DHRSX: variants seen among roughly 807,000 people sequenced by gnomAD.
The protein encoded by DHRSX is dehydrogenase/reductase X-linked.
In DHRSX, 31 loss-of-function variants were observed where a neutral mutation model predicts 34.0. The observed-to-expected ratio is 0.91, with a 90% CI of 0.69 to 1.23. The LOEUF (loss-of-function observed/expected upper bound fraction) is 1.23. Ranked by LOEUF, DHRSX falls within the 50% of genes most tolerant of loss-of-function variation. The pLI is 0.00. For missense variants in DHRSX, 414 were observed against 428.1 expected (o/e 0.97, Z 0.29); for synonymous variants, 201 against 183.8 (o/e 1.09, Z -0.76).
intron 3 of DHRSX, among the ~76,000 whole-genome samples, chrX:2,322,892 C>A (rs1569488630): frequency 6.6e-6 from 1 of 152,068 alleles, no homozygotes; most frequent in Non-Finnish European, 1.5e-5. Context: ...CTAACTCCCA[C>A]ATTGTTCAAG....
In DHRSX at chrX:2,355,682, TAAG is replaced by T. The variant is rs1250331771; in HGVS notation, c.286+53060_286+53062del. 4.0e-5 allele frequency among the ~76,000 whole-genome samples: 6 copies of T among 151,846 alleles called. No individual in the cohort carries two copies. In the South Asian group the frequency reaches 6.2e-4, roughly 16 times the overall value. Reference sequence around the variant, plus strand: ...CAAAAGGGTTAATGCGGTAACATAATAAGAAGGGTGCCGGAAACGAGTAGGAGA... The same window carrying T: ...CAAAAGGGTTAATGCGGTAACATAATAAGGGTGCCGGAAACGAGTAGGAGA... On this transcript the variant is annotated intron_variant, in intron 3 of 6. Coordinates refer to ENST00000334651, the MANE Select transcript of DHRSX (RefSeq NM_145177.3).
At chrX:2,384,263 CAG>C (rs1384395199) in intron 3 of DHRSX, among the ~76,000 whole-genome samples, 4 of 152,112 alleles carry the variant, frequency 2.6e-5, no homozygotes, top group African/African-American at 9.7e-5. Flanking sequence ...CTGACTTACA[CAG>C]AGAGAAGGAA....
chrX:2,346,614 T>A (rs182129065), intron 3 of DHRSX, among the ~76,000 whole-genome samples: 1 of 151,574 alleles, frequency 6.6e-6, no homozygotes. Flanking sequence ...CTCCCCATTT[T>A]TCCTGTTTGT....
At chrX:2,294,272 G>A (rs1049277450) in intron 3 of DHRSX, among the ~76,000 whole-genome samples, 2 of 152,066 alleles carry the variant, frequency 1.3e-5, no homozygotes, top group African/African-American at 2.4e-5. Flanking sequence ...GGCCGGGCAC[G>A]ATGGCTCATG....
At chrX:2,307,264 A>G (rs1179336245) in intron 3 of DHRSX, among the ~76,000 whole-genome samples, 17 of 152,190 alleles carry the variant, frequency 1.1e-4, no homozygotes, top group Admixed American at 2.6e-4. Context: ...TAAACATTGA[A>G]TAATCAGGCA....
chrX:2,455,316 G>A (rs2044281208), intron 1 of DHRSX, among the ~76,000 whole-genome samples: 1 of 151,654 alleles, frequency 6.6e-6, no homozygotes, highest in African/African-American at 2.4e-5. Context: ...GGACAAACGA[G>A]AGGATTGAAA....
intron 3 of DHRSX, among the ~76,000 whole-genome samples, chrX:2,294,664 CAAA>C (rs780753194): frequency 3.1e-5 from 4 of 129,188 alleles, no homozygotes; most frequent in Non-Finnish European, 4.8e-5. Flanking sequence ...GACTCTGTCT[CAAA>C]AAAAAAAAAA....
chrX:2,489,828 C>T (rs371825564), intron 1 of DHRSX: 281 of 1,613,618 alleles, frequency 1.7e-4, no homozygotes, highest in Non-Finnish European at 2.2e-4. Context: ...TGCTGGATGC[C>T]GGCATTGAAG....
chrX:2,353,839 C>A (rs1467323705), intron 3 of DHRSX, among the ~76,000 whole-genome samples: 2 of 151,980 alleles, frequency 1.3e-5, no homozygotes, highest in African/African-American at 4.8e-5. Flanking sequence ...CCTGCCTTGG[C>A]CTCCCAAATT....
chrX:2,266,983 G>A (rs761530720), intron 4 of DHRSX, 36 bp from the exon 5 acceptor site: 2 of 1,604,820 alleles, frequency 1.2e-6, no homozygotes, highest in East Asian at 2.2e-5. Flanking sequence ...AGTTAGACTG[G>A]GGAAGACAGT....
intron 6 of DHRSX, among the ~76,000 whole-genome samples, chrX:2,238,262 TG>T (rs2016061758): frequency 6.6e-6 from 1 of 151,752 alleles, no homozygotes; most frequent in South Asian, 2.1e-4. Context: ...GAGGTGGAGG[TG>T]GGGTGATCGT....
chrX:2,413,249 G>A (rs927747112), intron 2 of DHRSX, among the ~76,000 whole-genome samples: 4 of 152,086 alleles, frequency 2.6e-5, no homozygotes, highest in Admixed American at 2.0e-4. Flanking sequence ...GGTGCTAGGG[G>A]GGTGGGTTGC....
At chrX:2,465,135 A>G (rs1361891579) in intron 1 of DHRSX, among the ~76,000 whole-genome samples, 1 of 151,988 alleles carries the variant, frequency 6.6e-6, no homozygotes, top group Non-Finnish European at 1.5e-5. Flanking sequence ...CACACTGAAG[A>G]CATTCCCAAA....
intron 1 of DHRSX, chrX:2,490,730 C>T: frequency 6.2e-7 from 1 of 1,606,722 alleles, no homozygotes; most frequent in Non-Finnish European, 8.5e-7. Flanking sequence ...TGCTTCTCCA[C>T]CGGAGCCTGC....
At chrX:2,391,076 C>T (rs1020928321) in intron 3 of DHRSX, among the ~76,000 whole-genome samples, 2 of 152,224 alleles carry the variant, frequency 1.3e-5, no homozygotes, top group Non-Finnish European at 2.9e-5. Context: ...CAGTTTCTCT[C>T]CACCTTCGGG....
At chrX:2,332,128 T>C (rs2042486535) in intron 3 of DHRSX, among the ~76,000 whole-genome samples, 1 of 152,212 alleles carries the variant, frequency 6.6e-6, no homozygotes, top group African/African-American at 2.4e-5. Flanking sequence ...ATAACGACAT[T>C]ATTAACTTTG....
chrX:2,275,738 G>C (rs1402312779), intron 4 of DHRSX, among the ~76,000 whole-genome samples: 1 of 151,684 alleles, frequency 6.6e-6, no homozygotes, highest in Non-Finnish European at 1.5e-5. Flanking sequence ...GCAGTGAGAA[G>C]AGGTTGTGCC....
chrX:2,306,609 C>T (rs1224390251), intron 3 of DHRSX, among the ~76,000 whole-genome samples: 2 of 151,980 alleles, frequency 1.3e-5, no homozygotes, highest in African/African-American at 2.4e-5. Flanking sequence ...CGCACCACCA[C>T]GCCTGGCTAA....
chrX:2,284,760 T>C (rs1356972806), intron 4 of DHRSX, among the ~76,000 whole-genome samples: 2 of 152,234 alleles, frequency 1.3e-5, no homozygotes, highest in Non-Finnish European at 2.9e-5. Context: ...GATTTATTCT[T>C]GTGCTTGATA....
Sources: allele counts gnomAD v4.1 joint callset (sites outside exome capture counted in the v4.1 genomes callset), GRCh38; gene constraint gnomAD v4.1.1; transcripts MANE v1.5; gene names NCBI Gene and HGNC (gene_info 2026-07-23, HGNC 2026-07-21).